ZFPM2: variants seen among roughly 807,000 people sequenced by gnomAD.
ZFPM2 encodes the protein zinc finger protein, FOG family member 2.
In ZFPM2, 20 loss-of-function variants were observed where a neutral mutation model predicts 98.6. That is an observed-to-expected ratio of 0.20 (90% CI 0.14 to 0.29). ZFPM2 has a LOEUF of 0.29. Ranked by LOEUF, ZFPM2 falls within the 10% of genes least tolerant of loss-of-function variation. ZFPM2 has a pLI of 1.00. For synonymous variants in ZFPM2, 518 were observed against 502.7 expected (o/e 1.03, Z -0.41); for missense variants, 1,310 against 1,388.6 (o/e 0.94, Z 0.90).
intron 4 of ZFPM2, among the ~76,000 whole-genome samples, chr8:105,610,398 G>A (rs1261087837): frequency 6.6e-6 from 1 of 152,082 alleles, no homozygotes; most frequent in East Asian, 1.9e-4. Context: ...TTGGAACTGT[G>A]GTGCTGACAG....
rs1300877601 is a variant in ZFPM2 at position 105,804,175 on chromosome 8, T to C, written c.*637T>C. 6.6e-6 allele frequency: 1 copy of C among 152,658 alleles called. No individual in the cohort carries two copies. The highest frequency in any genetic ancestry group is 1.5e-5 in the Non-Finnish European group (1 of 68,080). The allele number at this position is 152,658 out of a possible 1,614,324, so 9.5% of individuals were successfully genotyped here. On this transcript the variant is annotated 3_prime_UTR_variant, in exon 8 of 8. Coordinates refer to ENST00000407775, the MANE Select transcript of ZFPM2 (RefSeq NM_012082.4). ...CCTGTATGTTAAATGAAGATGGCAA[T>C]TTTTTTCTTGTATAGTACTTGTATT...
At chr8:105,673,214 C>T (rs1471704853) in intron 5 of ZFPM2, among the ~76,000 whole-genome samples, 5 of 79,866 alleles carry the variant, frequency 6.3e-5, no homozygotes, top group Admixed American at 1.7e-4. Flanking sequence ...TTTTACCGAT[C>T]GTACTTACTT....
At chr8:105,705,899 G>C (rs1396439701) in intron 5 of ZFPM2, among the ~76,000 whole-genome samples, 2 of 152,094 alleles carry the variant, frequency 1.3e-5, no homozygotes, top group East Asian at 3.9e-4. Context: ...AGGACTGTTT[G>C]ACTAATAGAT....
chr8:105,325,167 G>A (rs1184345378), intron 1 of ZFPM2, among the ~76,000 whole-genome samples: 1 of 151,822 alleles, frequency 6.6e-6, no homozygotes, highest in Non-Finnish European at 1.5e-5. Flanking sequence ...CAAACGAATA[G>A]CAGCAAAAGT....
At chr8:105,741,892 G>C (rs1470531957) in intron 5 of ZFPM2, among the ~76,000 whole-genome samples, 1 of 152,022 alleles carries the variant, frequency 6.6e-6, no homozygotes, top group Non-Finnish European at 1.5e-5. Flanking sequence ...AGGAAGAAGG[G>C]GTGAGGGAAT....
At chr8:105,489,466 A>ATATATATATATATATATATTTTT (rs1554610604) in intron 3 of ZFPM2, among the ~76,000 whole-genome samples, 10 of 119,774 alleles carry the variant, frequency 8.3e-5, no homozygotes, top group African/African-American at 2.9e-4. Context: ...ATATATATAT[A>ATATATATATATATATATATTTTT]TTTTTTTTTT....
chr8:105,748,363 G>A (rs1812397549), intron 5 of ZFPM2, among the ~76,000 whole-genome samples: 1 of 152,020 alleles, frequency 6.6e-6, no homozygotes, highest in African/African-American at 2.4e-5. Flanking sequence ...TACATATTGA[G>A]GCTGTTAATT....
intron 3 of ZFPM2, among the ~76,000 whole-genome samples, chr8:105,475,878 G>T (rs1414574426): frequency 1.3e-5 from 2 of 152,164 alleles, no homozygotes; most frequent in African/African-American, 4.8e-5. Context: ...AATGAGTCAT[G>T]AGGAGACAAA....
chr8:105,532,217 A>G (rs1479890677), intron 3 of ZFPM2, among the ~76,000 whole-genome samples: 1 of 152,150 alleles, frequency 6.6e-6, no homozygotes, highest in Non-Finnish European at 1.5e-5. Flanking sequence ...TGATAATTTC[A>G]ACATTAAATT....
intron 2 of ZFPM2, among the ~76,000 whole-genome samples, chr8:105,433,149 C>T (rs1476804081): frequency 6.6e-6 from 1 of 152,088 alleles, no homozygotes; most frequent in Non-Finnish European, 1.5e-5. Context: ...GCTTATGTAT[C>T]TCACCCTTTC....
At chr8:105,760,391 C>T (rs914462697) in intron 5 of ZFPM2, among the ~76,000 whole-genome samples, 12 of 152,024 alleles carry the variant, frequency 7.9e-5, no homozygotes, top group Non-Finnish European at 1.5e-4. Flanking sequence ...CTTCCCTTAA[C>T]CAACTCTGCA....
chr8:105,648,517 C>G (rs972507155), intron 5 of ZFPM2, among the ~76,000 whole-genome samples: 1 of 152,158 alleles, frequency 6.6e-6, no homozygotes, highest in Non-Finnish European at 1.5e-5. Flanking sequence ...TTAGGTCTAA[C>G]ATTTAAGTCT....
Position 105,801,967 on chromosome 8 carries a change from T to G in ZFPM2, c.1885T>G (p.Ser629Ala). Residue 629 changes from serine to alanine, a missense_variant, in exon 8 of 8, where the codon TCC becomes GCC. Coordinates refer to ENST00000407775, the MANE Select transcript of ZFPM2 (RefSeq NM_012082.4). ...PLLQTSCINSSTVLDLIGPNG... is the reference protein window; with the variant it reads ...PLLQTSCINSATVLDLIGPNG... ...TCTTCAAACATCTTGCATCAATTCT[T>G]CCACTGTCTTAGATTTAATTGGGCC... The G allele has an allele frequency of 6.2e-7, 1 of 1,613,810 alleles. No individual in the cohort carries two copies. The highest frequency in any genetic ancestry group is 1.1e-5 in the South Asian group (1 of 91,076).
intron 4 of ZFPM2, among the ~76,000 whole-genome samples, chr8:105,621,211 T>C (rs1816536594): frequency 6.6e-6 from 1 of 152,206 alleles, no homozygotes; most frequent in Admixed American, 6.5e-5. Flanking sequence ...CATTGAGCAG[T>C]GGTTTGTAGT....
intron 4 of ZFPM2, among the ~76,000 whole-genome samples, chr8:105,584,310 C>T (rs1815666592): frequency 6.6e-6 from 1 of 151,842 alleles, no homozygotes; most frequent in South Asian, 2.1e-4. Flanking sequence ...TCTAAAATTA[C>T]ACATTAGGCC....
intron 5 of ZFPM2, among the ~76,000 whole-genome samples, chr8:105,717,383 CATT>C (rs1223821815): frequency 1.3e-5 from 2 of 151,978 alleles, no homozygotes; most frequent in Non-Finnish European, 2.9e-5. Context: ...TCAGTATTGT[CATT>C]ATTTCTGCAA....
rs1586217190 is a variant in ZFPM2, at chr8:105,717,730, T to C, written c.533-70988T>C. Among the ~76,000 whole-genome samples, 3 of 152,078 alleles carry C rather than the reference T, an allele frequency of 2.0e-5. No homozygotes were observed. In the Middle Eastern group the frequency reaches 0.01, roughly 517 times the overall value. Reference sequence around the variant, plus strand: ...AAAGGAGCATAATTAAAAATATTAATGTATGGATCAGAGAGAAACATTTAG... The same window carrying C: ...AAAGGAGCATAATTAAAAATATTAACGTATGGATCAGAGAGAAACATTTAG... On this transcript the variant is annotated intron_variant, in intron 5 of 7. Coordinates refer to ENST00000407775, the MANE Select transcript of ZFPM2 (RefSeq NM_012082.4).
chr8:105,472,936 C>T (rs1812937122), intron 3 of ZFPM2, among the ~76,000 whole-genome samples: 1 of 145,522 alleles, frequency 6.9e-6, no homozygotes, highest in African/African-American at 2.5e-5. Flanking sequence ...TACTCTATCC[C>T]TCAGGATGGA....
chr8:105,755,179 G>A (rs569436230), intron 5 of ZFPM2, among the ~76,000 whole-genome samples: 1 of 152,098 alleles, frequency 6.6e-6, no homozygotes, highest in Non-Finnish European at 1.5e-5. Context: ...GCATTGGAAA[G>A]ACTTCATAAT....
Sources: gnomAD v4.1 joint callset for allele counts (sites outside exome capture counted in the v4.1 genomes callset) on GRCh38, gnomAD v4.1.1 for gene constraint, MANE v1.5 for transcripts, NCBI Gene and HGNC (gene_info 2026-07-23, HGNC 2026-07-21) for gene names.